Variants in ZW10 observed in about 807,000 individuals in gnomAD.
The protein encoded by ZW10 is centromere/kinetochore protein zw10 homolog.
In ZW10, 53 loss-of-function variants were observed where a neutral mutation model predicts 87.8. The ratio of observed to expected loss-of-function variants is 0.60; its 90% confidence interval spans 0.48 to 0.76. The LOEUF (loss-of-function observed/expected upper bound fraction) is 0.76. Among genes scored for constraint, ZW10 ranks in the 30% least tolerant of loss-of-function variants. The pLI is 0.00. For missense variants in ZW10, 837 were observed against 923.0 expected, an observed-to-expected ratio of 0.91 and a Z score of 1.21; for synonymous variants, 312 against 329.2, an observed-to-expected ratio of 0.95 and a Z score of 0.57.
At position 113,735,809 on chromosome 11, in the gene ZW10, C is replaced by T. The variant is rs184716004; in HGVS notation, c.2219+811G>A. On this transcript the variant is annotated intron_variant, in intron 15 of 15. Transcript: ENST00000200135. ...TGTTGAGAGAAAACATCATCCACTA[C>T]GTTTGAGAAAAGATGAATCCCTTCT... Among the ~76,000 whole-genome samples the T allele has an allele frequency of 2.1e-3, 314 of 151,552 alleles. 2 individuals are homozygous for T. The highest frequency in any genetic ancestry group is 1.3e-3 in the Non-Finnish European group (91 of 67,634).
chr11:113,735,133 G>A (rs1953535164), intron 15 of ZW10, among the ~76,000 whole-genome samples: 3 of 152,030 alleles, frequency 2.0e-5, no homozygotes, highest in African/African-American at 4.8e-5. Flanking sequence ...TATATCTACT[G>A]TATTCCTTCA....
chr11:113,758,347 C>CAA (rs561325713), intron 6 of ZW10, among the ~76,000 whole-genome samples: 5 of 109,234 alleles, frequency 4.6e-5, no homozygotes, highest in Middle Eastern at 4.4e-3. Context: ...ATTCAAAAAC[C>CAA]AAAAAAAAAA....
At chr11:113,736,256 CAG>C (rs1275985380) in intron 15 of ZW10, among the ~76,000 whole-genome samples, 1 of 151,494 alleles carries the variant, frequency 6.6e-6, no homozygotes, top group African/African-American at 2.4e-5. Flanking sequence ...ACCTGGGTGA[CAG>C]AGTAAGACCA....
intron 7 of ZW10, among the ~76,000 whole-genome samples, chr11:113,755,269 T>C (rs916418147): frequency 2.0e-5 from 3 of 152,178 alleles, no homozygotes; most frequent in African/African-American, 7.2e-5. Context: ...AAAGCATTCA[T>C]GATTCATGGG....
chr11:113,733,801 T>TTCCATCTG lies in ZW10; in HGVS notation c.2225_2232dup (p.Lys745GlnfsTer16), dbSNP rs774634686. 4 of 1,605,822 alleles carry TTCCATCTG rather than the reference T, an allele frequency of 2.5e-6. No individual in the cohort carries two copies. The highest frequency in any genetic ancestry group is 3.4e-6 in the Non-Finnish European group (4 of 1,175,268). ...GAGAACGCAGCTGCCAGGGGTCCTT[T>TTCCATCTG]TCCATCTGCCCACCTGCAAAACGAA... On this transcript the variant is annotated frameshift_variant, in exon 16 of 16. Coordinates refer to ENST00000200135, the MANE Select transcript of ZW10 (RefSeq NM_004724.4). LOFTEE classifies it high-confidence loss of function.
At chr11:113,739,876 T>A (rs1338852811) in intron 11 of ZW10, among the ~76,000 whole-genome samples, 1 of 152,208 alleles carries the variant, frequency 6.6e-6, no homozygotes, top group Non-Finnish European at 1.5e-5. Flanking sequence ...CCAAACAAAT[T>A]AAATCACAAG....
chr11:113,770,776 C>A (rs1185496738), intron 1 of ZW10, among the ~76,000 whole-genome samples: 1 of 150,664 alleles, frequency 6.6e-6, no homozygotes, highest in Non-Finnish European at 1.5e-5. Flanking sequence ...CAATAACTCG[C>A]CACTGCATTC....
chr11:113,767,200 T>C (rs1436542745), intron 2 of ZW10, among the ~76,000 whole-genome samples: 2 of 151,554 alleles, frequency 1.3e-5, no homozygotes, highest in African/African-American at 2.4e-5. Context: ...AAAAGGATCT[T>C]GTTTGAGCCA....
intron 1 of ZW10, among the ~76,000 whole-genome samples, chr11:113,772,273 T>G (rs1005737399): frequency 6.6e-6 from 1 of 152,196 alleles, no homozygotes; most frequent in East Asian, 1.9e-4. Flanking sequence ...CTAGGGTCGC[T>G]TGCCATGCTA....
chr11:113,737,442 G>T, intron 14 of ZW10, 130 bp downstream of exon 14: 1 of 821,036 alleles, frequency 1.2e-6, no homozygotes, highest in African/African-American at 1.9e-5. Context: ...AAACAAAACT[G>T]AAAAAAAAAA....
rs770628700 is a variant in ZW10 at position 113,758,754 on chromosome 11, T to G, written c.581-48A>C. 2.5e-6 allele frequency: 4 copies of G among 1,577,034 alleles called. No individual in the cohort carries two copies. The East Asian group carries it at 9.0e-5, about 35-fold the overall frequency. On this transcript the variant is annotated intron_variant, in intron 5 of 15. Transcript: ENST00000200135. Reference sequence around the variant, plus strand: ...TCAGCTGTCTCACCAATATGAGATGTTCCCACTTCTATTCCTCAGAGCTCA... The same window carrying G: ...TCAGCTGTCTCACCAATATGAGATGGTCCCACTTCTATTCCTCAGAGCTCA...
rs1208771666 is a variant in ZW10, at chr11:113,760,192, C to T, written c.580+17G>A. 1 of 1,611,716 alleles carries T rather than the reference C, an allele frequency of 6.2e-7. No individual in the cohort carries two copies. The highest frequency in any genetic ancestry group is 1.3e-5 in the African/African-American group (1 of 74,922). ...CAGGCAGATGAAGCAAAGCAGTCCA[C>T]CTGAGGTCAGCAGCACCTTTTGATG... On this transcript the variant is annotated intron_variant, in intron 5 of 15. Transcript: ENST00000200135.
chr11:113,762,077 A>T (rs978018114), intron 2 of ZW10, among the ~76,000 whole-genome samples: 18 of 152,306 alleles, frequency 1.2e-4, no homozygotes, highest in Non-Finnish European at 2.5e-4. Context: ...GCATTCTAAG[A>T]AATGCAGTTA....
chr11:113,737,595 T>G lies in ZW10; in HGVS notation c.1993A>C (p.Ile665Leu). ...TLLNTAISEV[I>L]GKITALEDIS... is the part of the protein sequence containing the mutation. ...ACCTCTAGGGCAGTAATTTTGCCAA[T>G]GACCTCAGAAATTGCTGTATTGAGT... Residue 665 changes from isoleucine (I) to leucine (L), a missense_variant, in exon 14 of 16, where the codon ATT (isoleucine) becomes CTT (leucine). Transcript: ENST00000200135. 1 of 1,612,488 alleles carries G rather than the reference T, an allele frequency of 6.2e-7. No individual in the cohort carries two copies. The highest frequency in any genetic ancestry group is 8.5e-7 in the Non-Finnish European group (1 of 1,178,868).
chr11:113,769,394 T>C (rs1953941078), intron 1 of ZW10, among the ~76,000 whole-genome samples: 2 of 152,200 alleles, frequency 1.3e-5, no homozygotes, highest in South Asian at 4.1e-4. Flanking sequence ...ATAAATCTAA[T>C]AGAAAATAAA....
rs1953573063 is a variant in ZW10, at chr11:113,738,145, G to A, written c.1884+119C>T. ...AAGGTATCTAGATTTTCCAAAGGTG[G>A]GGGTGCAGGGAATCAACTGAATACT... On this transcript the variant is annotated intron_variant, in intron 13 of 15. Coordinates refer to ENST00000200135, the MANE Select transcript of ZW10 (RefSeq NM_004724.4). 7.1e-6 allele frequency: 8 copies of A among 1,124,096 alleles called. No individual in the cohort carries two copies. The South Asian group carries it at 1.5e-4, about 21-fold the overall frequency. The allele number at this position is 1,124,096 out of a possible 1,614,324, so 69.6% of individuals were successfully genotyped here.
At chr11:113,736,214 G>C (rs1019431171) in intron 15 of ZW10, among the ~76,000 whole-genome samples, 7 of 152,024 alleles carry the variant, frequency 4.6e-5, no homozygotes, top group African/African-American at 1.7e-4. Flanking sequence ...GTTTGAGGCT[G>C]CAGTGAGGAA....
chr11:113,741,801 A>C (rs1953622394), intron 10 of ZW10, 36 bp from the exon 11 acceptor site: 2 of 1,479,370 alleles, frequency 1.4e-6, no homozygotes, highest in Non-Finnish European at 1.9e-6. Flanking sequence ...GAAATGCCTA[A>C]GAATACACTA....
At chr11:113,753,062 C>T (rs866831430) in intron 7 of ZW10, among the ~76,000 whole-genome samples, 1 of 151,756 alleles carries the variant, frequency 6.6e-6, no homozygotes, top group Non-Finnish European at 1.5e-5. Context: ...CGTACATGTG[C>T]AGGTTTGTTA....
Sources: allele counts gnomAD v4.1 joint callset (sites outside exome capture counted in the v4.1 genomes callset), GRCh38; gene constraint gnomAD v4.1.1; transcripts MANE v1.5; gene names NCBI Gene and HGNC (gene_info 2026-07-23, HGNC 2026-07-21).